The following LSAMP variants were observed in gnomAD, a reference collection of about 807,000 sequenced individuals.
LSAMP encodes limbic system-associated membrane protein.
LSAMP carries 7 observed loss-of-function variants against 38.6 expected under a neutral mutation model. The ratio of observed to expected loss-of-function variants is 0.18; its 90% CI spans 0.10 to 0.34. The LOEUF is 0.34. Among genes scored for constraint, LSAMP ranks in the 10% least tolerant of loss-of-function variants. The probability of loss-of-function intolerance (pLI) is 1.00; values close to 1 mark genes in which losing one functional copy is unlikely to be tolerated. For synonymous variants in LSAMP, 154 were observed against 166.8 expected (o/e 0.92, Z 0.59); for missense variants, 313 against 420.0 (o/e 0.75, Z 2.23).
chr3:115,819,032 C>A (rs1453676087), intron 6 of LSAMP, among the ~76,000 whole-genome samples: 1 of 151,146 alleles, frequency 6.6e-6, no homozygotes, highest in African/African-American at 2.4e-5. Flanking sequence ...TGCCTGTAAT[C>A]CCAGCTACTC....
intron 1 of LSAMP, among the ~76,000 whole-genome samples, chr3:116,209,663 C>T (rs1335802522): frequency 6.6e-6 from 1 of 152,124 alleles, no homozygotes; most frequent in East Asian, 1.9e-4. Context: ...CAAACGCAAA[C>T]AGTGATCAAT....
intron 1 of LSAMP, among the ~76,000 whole-genome samples, chr3:116,329,638 C>T (rs1003473459): frequency 3.9e-5 from 6 of 152,004 alleles, no homozygotes; most frequent in African/African-American, 1.4e-4. Flanking sequence ...GTAATTATTC[C>T]AGTACCAAGT....
At chr3:116,367,617 G>A (rs1180609925) in intron 1 of LSAMP, among the ~76,000 whole-genome samples, 1 of 149,782 alleles carries the variant, frequency 6.7e-6, no homozygotes, top group East Asian at 2.0e-4. Flanking sequence ...CGATTCTCCT[G>A]CCTCAGGCTC....
chr3:115,910,365 C>A (rs577729015), intron 3 of LSAMP, among the ~76,000 whole-genome samples: 1 of 152,236 alleles, frequency 6.6e-6, no homozygotes, highest in East Asian at 1.9e-4. Flanking sequence ...AAAAACCAGG[C>A]AAGTTTTGCT....
At chr3:116,146,808 A>G (rs1709500788) in intron 1 of LSAMP, among the ~76,000 whole-genome samples, 2 of 151,874 alleles carry the variant, frequency 1.3e-5, no homozygotes, top group Non-Finnish European at 2.9e-5. Flanking sequence ...ATTTGGTAAA[A>G]GTTGTAGGCA....
intron 1 of LSAMP, among the ~76,000 whole-genome samples, chr3:116,228,009 T>C (rs988595051): frequency 2.0e-5 from 3 of 152,146 alleles, no homozygotes; most frequent in African/African-American, 7.2e-5. Flanking sequence ...AGTATTACTT[T>C]TTAAAGGTAG....
chr3:116,319,718 T>C (rs2047681432), intron 1 of LSAMP, among the ~76,000 whole-genome samples: 2 of 152,088 alleles, frequency 1.3e-5, no homozygotes, highest in Admixed American at 1.3e-4. Flanking sequence ...TTCTTGCTGC[T>C]ACTGTTCAGA....
At chr3:116,135,578 G>C (rs1454781349) in intron 1 of LSAMP, among the ~76,000 whole-genome samples, 1 of 152,150 alleles carries the variant, frequency 6.6e-6, no homozygotes, top group Non-Finnish European at 1.5e-5. Flanking sequence ...GCTGGGTGCA[G>C]CCCTACTGCC....
intron 3 of LSAMP, among the ~76,000 whole-genome samples, chr3:116,010,811 A>C (rs952191337): frequency 1.3e-5 from 2 of 152,174 alleles, no homozygotes; most frequent in Non-Finnish European, 2.9e-5. Context: ...TATCATTTGT[A>C]ATTTTCTTTC....
chr3:116,129,219 C>T (rs80266400), intron 1 of LSAMP, among the ~76,000 whole-genome samples: 3 of 152,152 alleles, frequency 2.0e-5, no homozygotes, highest in Non-Finnish European at 4.4e-5. Context: ...AGACTAGGTG[C>T]ACAATGTAAT....
chr3:116,382,200 G>A (rs1017266118), intron 1 of LSAMP, among the ~76,000 whole-genome samples: 5 of 152,026 alleles, frequency 3.3e-5, no homozygotes, highest in Admixed American at 2.6e-4. Flanking sequence ...AAAGACACAT[G>A]CACACGTATG....
At position 116,075,283 on chromosome 3, in the gene LSAMP, C is replaced by T. The variant is rs192077224; in HGVS notation, c.388+11041G>A. Among the ~76,000 whole-genome samples the T allele has an allele frequency of 7.5e-4, 113 of 151,524 alleles. 2 individuals are homozygous for T. Among genetic ancestry groups the T allele is most frequent in the Admixed American group, 6.7e-3 (102 of 15,212 alleles). The stretch of plus-strand genomic sequence containing the variant: ...TCCCAAGTAGCTGGGACTACAGGCA[C>T]GTGCCACCACTCTTGGCTAATTTCT... On this transcript the variant is annotated intron_variant, in intron 2 of 6. Coordinates refer to ENST00000490035, the MANE Select transcript of LSAMP (RefSeq NM_002338.5).
intron 3 of LSAMP, among the ~76,000 whole-genome samples, chr3:115,979,008 GA>G (rs555043856): frequency 4.6e-5 from 7 of 151,548 alleles, no homozygotes; most frequent in African/African-American, 7.3e-5. Context: ...TTGTAAAACA[GA>G]AAAAAAATCA....
chr3:116,314,989 C>T (rs2047608938), intron 1 of LSAMP, among the ~76,000 whole-genome samples: 1 of 152,106 alleles, frequency 6.6e-6, no homozygotes, highest in Non-Finnish European at 1.5e-5. Flanking sequence ...AATTTCAAAA[C>T]AGAATGTCCC....
At chr3:116,073,869 C>A (rs1707670265) in intron 2 of LSAMP, among the ~76,000 whole-genome samples, 1 of 152,116 alleles carries the variant, frequency 6.6e-6, no homozygotes, top group Non-Finnish European at 1.5e-5. Flanking sequence ...TAAGATTTGG[C>A]TGTCTTATGT....
At chr3:116,155,920 T>C (rs1169407798) in intron 1 of LSAMP, among the ~76,000 whole-genome samples, 1 of 152,140 alleles carries the variant, frequency 6.6e-6, no homozygotes, top group Non-Finnish European at 1.5e-5. Context: ...AACTGTTTGC[T>C]GTAAAACAGA....
At chr3:116,288,683 TC>T (rs1260731161) in intron 1 of LSAMP, among the ~76,000 whole-genome samples, 3 of 152,200 alleles carry the variant, frequency 2.0e-5, no homozygotes, top group Non-Finnish European at 4.4e-5. Flanking sequence ...CTACATTTTT[TC>T]CCAGCCACTT....
intron 3 of LSAMP, among the ~76,000 whole-genome samples, chr3:115,893,534 T>C (rs1936653001): frequency 6.6e-6 from 1 of 152,022 alleles, no homozygotes; most frequent in African/African-American, 2.4e-5. Context: ...GGAAGAATTA[T>C]AAAAATCAAA....
At chr3:115,839,284 T>C (rs913240372) in intron 6 of LSAMP, among the ~76,000 whole-genome samples, 1 of 127,236 alleles carries the variant, frequency 7.9e-6, no homozygotes, top group South Asian at 2.7e-4. Flanking sequence ...CTTCCTTCCT[T>C]CCTTCCTTCC....
Sources: gnomAD v4.1 joint callset for allele counts (sites outside exome capture counted in the v4.1 genomes callset) on GRCh38, gnomAD v4.1.1 for gene constraint, MANE v1.5 for transcripts, NCBI Gene and HGNC (gene_info 2026-07-23, HGNC 2026-07-21) for gene names.